Variants in ARHGAP21 observed in about 807,000 individuals in gnomAD.
The protein encoded by ARHGAP21 is Rho GTPase activating protein 21.
Under a neutral mutation model 164.6 loss-of-function variants are expected in ARHGAP21, and 38 were observed. The observed-to-expected ratio is 0.23, with a 90% CI of 0.18 to 0.30. The LOEUF (loss-of-function observed/expected upper bound fraction) is 0.30, where lower values mean the gene tolerates loss of function less well. ARHGAP21 is among the 10% of genes least tolerant of loss of function. The pLI is 1.00. For synonymous variants in ARHGAP21, 766 were observed against 857.9 expected (o/e 0.89, Z 1.87); for missense variants, 1,822 against 2,370.7 (o/e 0.77, Z 4.81).
intron 4 of ARHGAP21, among the ~76,000 whole-genome samples, chr10:24,657,054 C>G (rs1839089290): frequency 1.9e-5 from 1 of 52,832 alleles, no homozygotes; most frequent in Non-Finnish European, 3.7e-5. Flanking sequence ...CCAGCCGCCC[C>G]GTCCGGGAGG....
At chr10:24,630,081 A>T (rs201381846) in intron 6 of ARHGAP21, 31 bp from the exon 7 acceptor site, 3 of 1,263,584 alleles carry the variant, frequency 2.4e-6, no homozygotes, top group Non-Finnish European at 3.3e-6. Flanking sequence ...ATTTTAGGAG[A>T]GGTAGAAGTG....
At chr10:24,598,477 T>C (rs2076676002) in intron 14 of ARHGAP21, among the ~76,000 whole-genome samples, 1 of 152,210 alleles carries the variant, frequency 6.6e-6, no homozygotes, top group Admixed American at 6.5e-5. Context: ...TTAAGGATAG[T>C]GAAACCAAGG....
chr10:24,659,316 A>G (rs1839429999), intron 4 of ARHGAP21, among the ~76,000 whole-genome samples: 1 of 152,126 alleles, frequency 6.6e-6, no homozygotes, highest in South Asian at 2.1e-4. Flanking sequence ...AAGGAACAGA[A>G]TCCTCTTTCT....
intron 7 of ARHGAP21, among the ~76,000 whole-genome samples, chr10:24,625,048 A>AGT (rs568521610): frequency 2.2e-3 from 10 of 4,508 alleles, no homozygotes; most frequent in African/African-American, 0.015. Flanking sequence ...AGCTCTAAAA[A>AGT]GTGGGGGGGG....
At chr10:24,719,454 G>T (rs926812855) in intron 2 of ARHGAP21, among the ~76,000 whole-genome samples, 5 of 152,146 alleles carry the variant, frequency 3.3e-5, no homozygotes, top group Admixed American at 3.3e-4. Context: ...AGAAGGTGGA[G>T]TTGGCTAATT....
intron 4 of ARHGAP21, among the ~76,000 whole-genome samples, chr10:24,657,295 T>TG (rs774548572): frequency 9.1e-4 from 6 of 6,562 alleles, no homozygotes; most frequent in South Asian, 6.1e-3. Flanking sequence ...GGGAGGGAGG[T>TG]GGGGGGGGGG....
At chr10:24,593,605 A>C (rs939730589) in intron 21 of ARHGAP21, among the ~76,000 whole-genome samples, 2 of 133,946 alleles carry the variant, frequency 1.5e-5, no homozygotes, top group Admixed American at 7.0e-5. Flanking sequence ...GATATTCCAT[A>C]AAATACCATA....
chr10:24,639,883 T>G (rs998043788), intron 4 of ARHGAP21, among the ~76,000 whole-genome samples: 1 of 150,900 alleles, frequency 6.6e-6, no homozygotes, highest in Non-Finnish European at 1.5e-5. Flanking sequence ...TTTGAAATTT[T>G]TAAATATTAT....
At chr10:24,656,180 C>G (rs1382837838) in intron 4 of ARHGAP21, among the ~76,000 whole-genome samples, 3 of 141,156 alleles carry the variant, frequency 2.1e-5, no homozygotes, top group Admixed American at 6.8e-5. Flanking sequence ...GTCAGCCCCC[C>G]GCCCGGCCAG....
chr10:24,622,485 T>C (rs11014179), intron 8 of ARHGAP21, among the ~76,000 whole-genome samples: 35,291 of 123,364 alleles, frequency 0.29, 5,901 homozygotes, highest in East Asian at 0.35. Flanking sequence ...TATATATATA[T>C]ACTGATGCAG....
At chr10:24,659,518 T>A (rs1006692654) in intron 4 of ARHGAP21, among the ~76,000 whole-genome samples, 3 of 152,154 alleles carry the variant, frequency 2.0e-5, no homozygotes, top group African/African-American at 7.2e-5. Context: ...TTTCTCCATG[T>A]TGGTCAGGCT....
chr10:24,589,367 C>T (rs1242116871), intron 24 of ARHGAP21, 65 bp from the exon 25 acceptor site: 1 of 1,432,644 alleles, frequency 7.0e-7, no homozygotes. Flanking sequence ...ACAAACAATG[C>T]AAAACTTATG....
At position 24,591,652 on chromosome 10, in the gene ARHGAP21, T is replaced by A. The variant is rs746812534; in HGVS notation, c.4034A>T (p.Glu1345Val). The A allele has an allele frequency of 6.2e-7, 1 of 1,614,104 alleles. No individual in the cohort carries two copies. The change falls in exon 23 of 26, where the codon GAA becomes GTA. Residue 1345 changes from glutamate (E) to valine (V), a missense_variant. This residue lies in a region of ARHGAP21 where 333 missense variants were observed against 383.9 expected (regional missense o/e 0.87). Transcript: ENST00000396432. The part of the protein sequence containing the change: ...HDWFFTEEGA[E>V]EPLTTVQEES... ...ACAGACAATACTTACAAGAGGCTCTTCAGCACCTTCTTCTGTGAAAAACCA... is the reference window on the plus strand; with the variant it reads ...ACAGACAATACTTACAAGAGGCTCTACAGCACCTTCTTCTGTGAAAAACCA...
At chr10:24,656,223 T>G (rs1488609476) in intron 4 of ARHGAP21, among the ~76,000 whole-genome samples, 154 of 83,042 alleles carry the variant, frequency 1.9e-3, no homozygotes, top group African/African-American at 6.5e-3. Context: ...GGGGGGGTCA[T>G]CCCCCCGCCC....
intron 14 of ARHGAP21, 52 bp from the exon 15 acceptor site, chr10:24,598,061 C>T: frequency 6.8e-7 from 1 of 1,465,078 alleles, no homozygotes; most frequent in Non-Finnish European, 9.5e-7. Context: ...AATAAGTGAT[C>T]CTTACTTTTT....
chr10:24,593,993 C>G (rs1311861057), intron 21 of ARHGAP21, among the ~76,000 whole-genome samples: 1 of 152,062 alleles, frequency 6.6e-6, no homozygotes, highest in Non-Finnish European at 1.5e-5. Context: ...TTCTCATAAT[C>G]AATCCTTACA....
intron 4 of ARHGAP21, among the ~76,000 whole-genome samples, chr10:24,653,853 G>A (rs1188854259): frequency 6.6e-6 from 1 of 151,934 alleles, no homozygotes; most frequent in Non-Finnish European, 1.5e-5. Context: ...ATAAAAAGTA[G>A]ATAAATTATA....
rs572310834 is a variant in ARHGAP21 at position 24,718,271 on chromosome 10, C to G, written c.63+3566G>C. Among the ~76,000 whole-genome samples the G allele has an allele frequency of 1.1e-4, 16 of 152,258 alleles. No homozygotes were observed. In the East Asian group the frequency reaches 2.9e-3, roughly 28 times the overall value. ...CAGGAAGAGGGAGAGTCAGCGGTAG[C>G]GGTGAAATCTGATGAGTTTGCAATG... On this transcript the variant is annotated intron_variant, in intron 2 of 25. Transcript: ENST00000396432.
In ARHGAP21 at chr10:24,619,813, A is replaced by C. The variant is rs1385802581; in HGVS notation, c.2082T>G (p.Pro694=). The part of the protein sequence containing the change: ...SLSGASAKPA[P]QSSENAGTSD... ...AAGTACCAGCGTTTTCACTCGACTG[A>C]GGGGCAGGCTTGGCAGAGGCTCCAG... Residue 694 remains proline (P), a synonymous_variant, in exon 9 of 26, where the codon CCT becomes CCG. Coordinates refer to ENST00000396432, the MANE Select transcript of ARHGAP21 (RefSeq NM_020824.4). 6.2e-7 allele frequency: 1 copy of C among 1,614,018 alleles called. No individual in the cohort carries two copies. The highest frequency in any genetic ancestry group is 8.5e-7 in the Non-Finnish European group (1 of 1,180,032).
Sources: gnomAD v4.1 joint callset for allele counts (sites outside exome capture counted in the v4.1 genomes callset) on GRCh38, gnomAD v4.1.1 for gene constraint, gnomAD v4.1.1 regional missense constraint, MANE v1.5 for transcripts, NCBI Gene and HGNC (gene_info 2026-07-23, HGNC 2026-07-21) for gene names.